GRAMD1B: variants seen among roughly 807,000 people sequenced by gnomAD.
GRAMD1B encodes the protein GRAM domain containing 1B, also known as protein Aster-B.
Under a neutral mutation model 99.7 loss-of-function variants are expected in GRAMD1B, and 37 were observed. The observed-to-expected ratio is 0.37, with a 90% CI of 0.29 to 0.49. GRAMD1B has a LOEUF of 0.49. Among genes scored for constraint, GRAMD1B ranks in the 20% least tolerant of loss-of-function variants. The pLI is 0.98. For missense variants in GRAMD1B, 888 were observed against 1,009.2 expected, an observed-to-expected ratio of 0.88 and a Z score of 1.63; for synonymous variants, 427 against 387.6, an observed-to-expected ratio of 1.10 and a Z score of -1.19.
chr11:123,501,862 T>C (rs572260957), intron 2 of GRAMD1B, among the ~76,000 whole-genome samples: 2 of 152,368 alleles, frequency 1.3e-5, no homozygotes, highest in South Asian at 4.1e-4. Context: ...TGTGGGAAAG[T>C]TCCAGTACAT....
At chr11:123,531,474 G>A (rs1591842054) in intron 2 of GRAMD1B, among the ~76,000 whole-genome samples, 1 of 152,310 alleles carries the variant, frequency 6.6e-6, no homozygotes, top group Admixed American at 6.5e-5. Flanking sequence ...CTTTGTAGCT[G>A]GCAGAGATTG....
chr11:123,417,487 T>A (rs939637507), intron 1 of GRAMD1B, among the ~76,000 whole-genome samples: 1 of 152,214 alleles, frequency 6.6e-6, no homozygotes, highest in Non-Finnish European at 1.5e-5. Flanking sequence ...AGGACTGAGA[T>A]GTTGACATGA....
chr11:123,493,734 A>T (rs1938884910), intron 2 of GRAMD1B, among the ~76,000 whole-genome samples: 1 of 152,172 alleles, frequency 6.6e-6, no homozygotes, highest in East Asian at 1.9e-4. Flanking sequence ...CTGCAGTGGA[A>T]GTGTCCCTTT....
At chr11:123,405,943 C>T (rs980550105) in intron 1 of GRAMD1B, among the ~76,000 whole-genome samples, 1 of 151,692 alleles carries the variant, frequency 6.6e-6, no homozygotes, top group Non-Finnish European at 1.5e-5. Context: ...CACTTGTTTG[C>T]ATGTGCATGT....
intron 1 of GRAMD1B, among the ~76,000 whole-genome samples, chr11:123,470,686 G>C (rs1165813830): frequency 6.6e-6 from 1 of 151,894 alleles, no homozygotes; most frequent in Non-Finnish European, 1.5e-5. Flanking sequence ...AACTAGGAAG[G>C]GCTACCACGT....
At chr11:123,399,084 C>T (rs1947565886) in intron 1 of GRAMD1B, among the ~76,000 whole-genome samples, 1 of 152,170 alleles carries the variant, frequency 6.6e-6, no homozygotes, top group South Asian at 2.1e-4. Context: ...ACTTATACTC[C>T]TCATTTCCCT....
intron 1 of GRAMD1B, among the ~76,000 whole-genome samples, chr11:123,455,076 AATATG>A (rs1416323803): frequency 3.9e-5 from 6 of 152,296 alleles, no homozygotes; most frequent in African/African-American, 9.6e-5. Context: ...GTATTGTTTG[AATATG>A]TACTTCATGT....
Position 123,608,806 on chromosome 11 carries a change from C to T in GRAMD1B, c.1657+4C>T, listed in dbSNP as rs2306971. ...ATGGAGCAGCGGCGCTTCTCTGGTC[C>T]GTTCTGCTGGGACTGTACCCCCCAT... is the stretch of plus-strand genomic sequence containing the variant. On this transcript the variant is annotated splice_donor_region_variant and intron_variant, in intron 12 of 19. Coordinates refer to ENST00000635736, the MANE Select transcript of GRAMD1B (RefSeq NM_001387025.1). 21,878 of 1,533,760 alleles carry T rather than the reference C, an allele frequency of 0.014. 416 individuals carry two copies. The highest frequency in any genetic ancestry group is 0.064 in the African/African-American group (4,634 of 72,772).
At chr11:123,439,544 C>T (rs1457415332) in intron 1 of GRAMD1B, among the ~76,000 whole-genome samples, 10 of 152,020 alleles carry the variant, frequency 6.6e-5, no homozygotes, top group Admixed American at 2.0e-4. Context: ...CCTTTGAGGC[C>T]CTAACACATT....
At position 123,604,161 on chromosome 11, in the gene GRAMD1B, A is replaced by G. The variant is rs116438835; in HGVS notation, c.1166+620A>G. On this transcript the variant is annotated intron_variant, in intron 9 of 19. Transcript: ENST00000635736. Reference sequence around the variant, plus strand: ...GCCTGTTAGCTAAATGGAGATGCCAAGTGGGCATTTAGATATGGAGTGTGG... The same window carrying G: ...GCCTGTTAGCTAAATGGAGATGCCAGGTGGGCATTTAGATATGGAGTGTGG... Among the ~76,000 whole-genome samples the G allele has an allele frequency of 2.9e-3, 448 of 152,352 alleles. 1 individual carries two copies. Among genetic ancestry groups the G allele is most frequent in the African/African-American group, 0.011 (439 of 41,580 alleles).
chr11:123,423,608 T>C (rs567241562), intron 1 of GRAMD1B, among the ~76,000 whole-genome samples: 32 of 152,358 alleles, frequency 2.1e-4, no homozygotes, highest in Non-Finnish European at 3.4e-4. Flanking sequence ...CTGAAATTGT[T>C]GTCTCAGAGG....
At chr11:123,513,605 C>T (rs928706326) in intron 2 of GRAMD1B, among the ~76,000 whole-genome samples, 2,244 of 30,826 alleles carry the variant, frequency 0.073, 96 homozygotes, top group African/African-American at 0.15. Context: ...TTCCTTCCTT[C>T]CTTCCTTCCT....
At chr11:123,387,333 A>G (rs1947099334) in intron 1 of GRAMD1B, among the ~76,000 whole-genome samples, 1 of 151,982 alleles carries the variant, frequency 6.6e-6, no homozygotes, top group African/African-American at 2.4e-5. Context: ...GATGCCACGC[A>G]CTCCAGAAAG....
At chr11:123,462,728 A>G (rs1950482910) in intron 1 of GRAMD1B, among the ~76,000 whole-genome samples, 1 of 152,092 alleles carries the variant, frequency 6.6e-6, no homozygotes, top group Admixed American at 6.5e-5. Flanking sequence ...TCAAGTAATC[A>G]GGGACACAAA....
intron 1 of GRAMD1B, among the ~76,000 whole-genome samples, chr11:123,461,964 T>C (rs7128867): frequency 5.4e-4 from 80 of 147,214 alleles, no homozygotes; most frequent in African/African-American, 1.9e-3. Context: ...CATTTGTTTA[T>C]TTCTTTTTTT....
At chr11:123,481,607 G>T (rs577100689) in intron 2 of GRAMD1B, among the ~76,000 whole-genome samples, 2 of 152,308 alleles carry the variant, frequency 1.3e-5, no homozygotes, top group South Asian at 4.1e-4. Context: ...ATGGTGTCAG[G>T]TGGCAGCAGC....
chr11:123,609,623 C>T (rs1048924314), intron 12 of GRAMD1B, among the ~76,000 whole-genome samples, 172 bp from the exon 13 acceptor site: 5 of 152,214 alleles, frequency 3.3e-5, no homozygotes, highest in Non-Finnish European at 2.9e-5. Flanking sequence ...CTTTCTGCTT[C>T]GGCTACTCCT....
At chr11:123,560,734 G>GTGTA (rs1592006307) in intron 2 of GRAMD1B, 3 of 370,216 alleles carry the variant, frequency 8.1e-6, no homozygotes, top group East Asian at 8.4e-5. Context: ...GTGTGTGTGT[G>GTGTA]TATCTTTGTT....
chr11:123,555,383 C>G (rs140659013), intron 2 of GRAMD1B, among the ~76,000 whole-genome samples: 2 of 152,198 alleles, frequency 1.3e-5, no homozygotes, highest in African/African-American at 2.4e-5. Context: ...GAGTCTCACT[C>G]TGTCACCGAG....
Sources: gnomAD v4.1 joint callset for allele counts (sites outside exome capture counted in the v4.1 genomes callset) on GRCh38, gnomAD v4.1.1 for gene constraint, MANE v1.5 for transcripts, NCBI Gene and HGNC (gene_info 2026-07-23, HGNC 2026-07-21) for gene names.